Variants in HNRNPC observed in about 807,000 individuals in gnomAD.
HNRNPC encodes heterogeneous nuclear ribonucleoproteins C1/C2.
A neutral mutation model predicts 33.2 loss-of-function variants in HNRNPC; 3 were observed. The ratio of observed to expected loss-of-function variants is 0.09; its 90% confidence interval spans 0.04 to 0.23. HNRNPC has a LOEUF of 0.23. HNRNPC is among the 10% of genes least tolerant of loss of function. HNRNPC has a pLI of 1.00. For synonymous variants in HNRNPC, 121 were observed against 126.7 expected (o/e 0.96, Z 0.30); for missense variants, 143 against 366.7 (o/e 0.39, Z 4.98).
chr14:21,246,579 A>AAG (rs1201366308), intron 2 of HNRNPC, among the ~76,000 whole-genome samples: 1 of 152,018 alleles, frequency 6.6e-6, no homozygotes, highest in East Asian at 1.9e-4. Context: ...AAAAAAAAAA[A>AAG]AAAGTCGTCT....
At chr14:21,228,545 C>T (rs1454949438) in intron 5 of HNRNPC, among the ~76,000 whole-genome samples, 3 of 151,980 alleles carry the variant, frequency 2.0e-5, no homozygotes, top group African/African-American at 7.2e-5. Context: ...GCGCGTGCCA[C>T]CACGCCCAGC....
chr14:21,227,551 T>A (rs897451921), intron 5 of HNRNPC, among the ~76,000 whole-genome samples: 1 of 152,208 alleles, frequency 6.6e-6, no homozygotes, highest in African/African-American at 2.4e-5. Context: ...CAAAGAAATG[T>A]CAAAAACGGA....
Position 21,215,268 on chromosome 14 carries a change from C to T in HNRNPC, c.366-2151G>A, listed in dbSNP as rs181697318. Among the ~76,000 whole-genome samples the T allele has an allele frequency of 4.6e-5, 7 of 151,996 alleles. No individual in the cohort carries two copies. In the East Asian group the frequency reaches 9.7e-4, roughly 21 times the overall value. The stretch of plus-strand genomic sequence containing the variant: ...TCCTTGCCTCGAAAAATGTTGAGGA[C>T]GGTAAGTGTGAAAATAGAAAAAAAA... On this transcript the variant is annotated intron_variant, in intron 5 of 8. Coordinates refer to ENST00000553300, the MANE Select transcript of HNRNPC (RefSeq NM_004500.4).
chr14:21,253,390 C>T (rs1281863811), intron 2 of HNRNPC, among the ~76,000 whole-genome samples: 2 of 137,682 alleles, frequency 1.5e-5, no homozygotes, highest in Non-Finnish European at 3.0e-5. Context: ...AGTAGAATGG[C>T]GTGAACCCAG....
intron 2 of HNRNPC, among the ~76,000 whole-genome samples, chr14:21,241,981 A>AATAC (rs1489048036): frequency 6.6e-6 from 1 of 152,216 alleles, no homozygotes; most frequent in African/African-American, 2.4e-5. Flanking sequence ...TGAATAATTC[A>AATAC]ATACATGGTA....
intron 2 of HNRNPC, among the ~76,000 whole-genome samples, chr14:21,260,060 C>A (rs1231309071): frequency 1.5e-5 from 2 of 131,340 alleles, no homozygotes; most frequent in Admixed American, 8.2e-5. Context: ...ATTAGCCGGG[C>A]GTAGTGGCGG....
At chr14:21,257,440 A>C (rs1376655592) in intron 2 of HNRNPC, among the ~76,000 whole-genome samples, 2 of 152,172 alleles carry the variant, frequency 1.3e-5, no homozygotes, top group Non-Finnish European at 2.9e-5. Flanking sequence ...CCAACAGGTC[A>C]AGTGAGATGA....
intron 5 of HNRNPC, among the ~76,000 whole-genome samples, chr14:21,225,040 C>T (rs1178096346): frequency 1.3e-5 from 2 of 152,194 alleles, no homozygotes; most frequent in East Asian, 1.9e-4. Context: ...TCTTGCTCAC[C>T]AAGTCTCCGC....
Position 21,260,369 on chromosome 14 carries a change from TAAA to T in HNRNPC, c.-37+2939_-37+2941del, listed in dbSNP as rs11345053. Among the ~76,000 whole-genome samples, 1,110 of 122,178 alleles carry T rather than the reference TAAA, an allele frequency of 9.1e-3. 18 individuals are homozygous for T. The highest frequency in any genetic ancestry group is 0.031 in the African/African-American group (1,042 of 33,456). 80.2% of individuals were successfully genotyped at this position (122,178 alleles called of 152,430 possible). On this transcript the variant is annotated intron_variant, in intron 2 of 8. Coordinates refer to ENST00000553300, the MANE Select transcript of HNRNPC (RefSeq NM_004500.4). ...TGACAGAGCGAGACTCCGTCTTATT[TAAA>T]AAAAAAAAAAAAAAAAAATCCCTTT...
chr14:21,210,895 T>G lies in HNRNPC; in HGVS notation c.*328A>C. ...GAACTTATGTATGAATGAAAAGAAC[T>G]GTACTCCCTGCATAACAAGAGATTA... On this transcript the variant is annotated 3_prime_UTR_variant, in exon 9 of 9. Transcript: ENST00000553300. The G allele has an allele frequency of 3.1e-6, 1 of 317,976 alleles. No individual in the cohort carries two copies. The highest frequency in any genetic ancestry group is 5.1e-5 in the South Asian group (1 of 19,424). The allele number at this position is 317,976 out of a possible 1,614,324, so 19.7% of individuals were successfully genotyped here.
In HNRNPC at chr14:21,266,966, C is replaced by T. The variant is rs919943710; in HGVS notation, c.-63+2332G>A. On this transcript the variant is annotated intron_variant, in intron 1 of 8. Coordinates refer to ENST00000553300, the MANE Select transcript of HNRNPC (RefSeq NM_004500.4). ...ATTAGCCCGGTGCGGTGGCACACGC[C>T]TGTAATCCCAGCTACTCGGGAAGCC... Among the ~76,000 whole-genome samples the T allele has an allele frequency of 5.9e-5, 9 of 151,876 alleles. No individual in the cohort carries two copies. In the South Asian group the frequency reaches 6.2e-4, roughly 11 times the overall value.
Position 21,212,545 on chromosome 14 carries a change from AT to A in HNRNPC, c.523+414del, listed in dbSNP as rs869076436. 4.2e-3 allele frequency among the ~76,000 whole-genome samples: 599 copies of A among 144,046 alleles called. 2 individuals are homozygous for A. Among genetic ancestry groups the A allele is most frequent in the Middle Eastern group, 0.011 (3 of 276 alleles). 94.5% of individuals were successfully genotyped at this position (144,046 alleles called of 152,430 possible). A position where few individuals can be genotyped will look rare whatever the true frequency, so the allele number is the denominator to read the frequency against. On this transcript the variant is annotated intron_variant, in intron 6 of 8. Coordinates refer to ENST00000553300, the MANE Select transcript of HNRNPC (RefSeq NM_004500.4). ...AATCTTGTCTCCTCTGTTATTTTGGATTTTTTTTTTTTTCTTGAGATGGAGT... is the reference window on the plus strand; with the variant it reads ...AATCTTGTCTCCTCTGTTATTTTGGATTTTTTTTTTTTCTTGAGATGGAGT...
chr14:21,262,067 G>A (rs933906833), intron 2 of HNRNPC, among the ~76,000 whole-genome samples: 1 of 152,148 alleles, frequency 6.6e-6, no homozygotes, highest in African/African-American at 2.4e-5. Flanking sequence ...TGGATGTAGA[G>A]GTTAAACAGA....
intron 2 of HNRNPC, among the ~76,000 whole-genome samples, chr14:21,246,747 G>C (rs977136408): frequency 1.3e-5 from 2 of 152,064 alleles, no homozygotes; most frequent in African/African-American, 4.8e-5. Flanking sequence ...AACTGACCTT[G>C]AACAATATGG....
At chr14:21,265,703 G>A (rs576092820) in intron 1 of HNRNPC, among the ~76,000 whole-genome samples, 5 of 152,310 alleles carry the variant, frequency 3.3e-5, no homozygotes, top group African/African-American at 1.2e-4. Context: ...CCTTGAGCCC[G>A]GGAGGCAGAG....
In HNRNPC at chr14:21,240,383, A is replaced by G. The variant is rs533234978; in HGVS notation, c.-36-6154T>C. Among the ~76,000 whole-genome samples, 9 of 152,354 alleles carry G rather than the reference A, an allele frequency of 5.9e-5. No individual in the cohort carries two copies. The East Asian group carries it at 1.5e-3, about 26-fold the overall frequency. ...GAGGGAAACCAATCTTGGATTGTCA[A>G]TCTAGCTAAAATTTTGAAAATATAT... On this transcript the variant is annotated intron_variant, in intron 2 of 8. Transcript: ENST00000553300.
intron 5 of HNRNPC, among the ~76,000 whole-genome samples, chr14:21,227,500 C>T (rs542132996): frequency 2.7e-4 from 41 of 152,296 alleles, no homozygotes; most frequent in African/African-American, 9.1e-4. Context: ...CTACTAGTAT[C>T]GGCTGGTGCA....
At chr14:21,223,692 T>C (rs1211112311) in intron 5 of HNRNPC, among the ~76,000 whole-genome samples, 2 of 152,054 alleles carry the variant, frequency 1.3e-5, no homozygotes, top group African/African-American at 4.8e-5. Flanking sequence ...GAGGTTGCCG[T>C]GAGCAGTGAT....
chr14:21,224,892 C>A (rs562758425), intron 5 of HNRNPC, among the ~76,000 whole-genome samples: 3 of 152,094 alleles, frequency 2.0e-5, no homozygotes, highest in Admixed American at 2.0e-4. Context: ...GTAATAACAG[C>A]ACTCTGAAAA....
Sources: allele counts gnomAD v4.1 joint callset (sites outside exome capture counted in the v4.1 genomes callset), GRCh38; gene constraint gnomAD v4.1.1; transcripts MANE v1.5; gene names NCBI Gene and HGNC (gene_info 2026-07-23, HGNC 2026-07-21).